Variants in SYT16 observed in about 807,000 individuals in gnomAD.
SYT16 encodes the protein synaptotagmin-16.
A neutral mutation model predicts 61.4 loss-of-function variants in SYT16; 42 were observed. The ratio of observed to expected loss-of-function variants is 0.68; its 90% CI spans 0.53 to 0.89. The LOEUF (loss-of-function observed/expected upper bound fraction) is 0.89, where lower values mean the gene tolerates loss of function less well. SYT16 is among the 40% of genes least tolerant of loss of function. The pLI is 0.00. For synonymous variants in SYT16, 314 were observed against 302.3 expected, an observed-to-expected ratio of 1.04 and a Z score of -0.40; for missense variants, 804 against 807.3, an observed-to-expected ratio of 1.00 and a Z score of 0.05.
rs111524983 is a variant in SYT16, at chr14:62,104,213, A to T, written c.*3506A>T. 135 of 152,320 alleles carry T rather than the reference A, an allele frequency of 8.9e-4. No homozygotes were observed. Among genetic ancestry groups the T allele is most frequent in the African/African-American group, 3.0e-3 (126 of 41,574 alleles). 9.4% of individuals were successfully genotyped at this position (152,320 alleles called of 1,614,324 possible). A position where few individuals can be genotyped will look rare whatever the true frequency, so the allele number is the denominator to read the frequency against. On this transcript the variant is annotated 3_prime_UTR_variant, in exon 8 of 8. Coordinates refer to ENST00000683842, the MANE Select transcript of SYT16 (RefSeq NM_001367656.1). ...ACTGGTTATCCTTTTGCAGCAGAGG[A>T]CTTAGTATTTTAAAAACAGAAAAGT...
intron 2 of SYT16, among the ~76,000 whole-genome samples, chr14:61,994,980 G>T (rs974816683): frequency 6.6e-6 from 1 of 152,170 alleles, no homozygotes; most frequent in Admixed American, 6.5e-5. Flanking sequence ...TAAGCAGTGT[G>T]TTAGGCCCTC....
At chr14:61,833,128 T>C (rs977359359) in intron 1 of SYT16, among the ~76,000 whole-genome samples, 1 of 152,190 alleles carries the variant, frequency 6.6e-6, no homozygotes, top group African/African-American at 2.4e-5. Context: ...ATTTTCATGT[T>C]GTGTTTACTG....
chr14:62,043,406 T>C (rs2054821299), intron 3 of SYT16, among the ~76,000 whole-genome samples: 1 of 144,392 alleles, frequency 6.9e-6, no homozygotes, highest in Non-Finnish European at 1.5e-5. Context: ...AATTTTTCTT[T>C]CTTTTTTTTT....
chr14:62,006,301 G>C (rs532078121), intron 3 of SYT16, among the ~76,000 whole-genome samples: 4 of 152,228 alleles, frequency 2.6e-5, no homozygotes, highest in South Asian at 4.2e-4. Flanking sequence ...TACATGGGCT[G>C]CTTTGCAGTC....
At chr14:61,936,353 G>A (rs902013520) in intron 1 of SYT16, among the ~76,000 whole-genome samples, 22 of 152,130 alleles carry the variant, frequency 1.4e-4, no homozygotes, top group Admixed American at 1.3e-3. Context: ...TGGTTTAGTA[G>A]AAATGAAAAA....
At chr14:61,993,647 A>AG (rs949444810) in intron 2 of SYT16, among the ~76,000 whole-genome samples, 8 of 151,980 alleles carry the variant, frequency 5.3e-5, no homozygotes, top group African/African-American at 1.9e-4. Context: ...ATATTTGCAG[A>AG]GAAAAAAAAA....
At chr14:61,958,215 A>C (rs1250503034) in intron 1 of SYT16, among the ~76,000 whole-genome samples, 1 of 151,356 alleles carries the variant, frequency 6.6e-6, no homozygotes, top group Admixed American at 6.6e-5. Flanking sequence ...TTATCTTTTC[A>C]GAAAAACAAC....
At chr14:61,870,440 A>G (rs1332292098) in intron 1 of SYT16, among the ~76,000 whole-genome samples, 2 of 150,904 alleles carry the variant, frequency 1.3e-5, no homozygotes, top group South Asian at 2.1e-4. Flanking sequence ...ATGATGATGT[A>G]CTTTAGTTTG....
chr14:62,005,388 A>G (rs2053181035), intron 3 of SYT16, among the ~76,000 whole-genome samples: 1 of 151,978 alleles, frequency 6.6e-6, no homozygotes. Context: ...AGCCCAGGGA[A>G]CTCACGACTG....
chr14:61,869,669 G>A (rs1193209832), intron 1 of SYT16, among the ~76,000 whole-genome samples: 1 of 152,166 alleles, frequency 6.6e-6, no homozygotes, highest in East Asian at 1.9e-4. Context: ...CAATGTGATG[G>A]CATTTGTAGG....
chr14:61,890,128 C>T (rs888789725), intron 1 of SYT16, among the ~76,000 whole-genome samples: 1 of 152,196 alleles, frequency 6.6e-6, no homozygotes, highest in Non-Finnish European at 1.5e-5. Context: ...TTTCTTCCTC[C>T]TTTCACTTTT....
chr14:61,958,823 G>A (rs1595016087), intron 1 of SYT16, among the ~76,000 whole-genome samples: 2 of 151,908 alleles, frequency 1.3e-5, no homozygotes, highest in African/African-American at 4.8e-5. Context: ...TGTCTAGATG[G>A]TCTATACATT....
At chr14:61,961,500 C>A (rs115364919) in intron 1 of SYT16, among the ~76,000 whole-genome samples, 1 of 151,998 alleles carries the variant, frequency 6.6e-6, no homozygotes, top group Non-Finnish European at 1.5e-5. Flanking sequence ...ACGTGGCCAA[C>A]AAGTAAGTGA....
chr14:61,862,704 CAT>C (rs904760848), intron 1 of SYT16, among the ~76,000 whole-genome samples: 1 of 152,182 alleles, frequency 6.6e-6, no homozygotes, highest in African/African-American at 2.4e-5. Context: ...TGTATAGTGA[CAT>C]GTATTCATTA....
intron 3 of SYT16, among the ~76,000 whole-genome samples, chr14:62,064,364 C>T (rs1249700681): frequency 3.1e-5 from 2 of 65,508 alleles, no homozygotes; most frequent in African/African-American, 1.5e-4. Context: ...AAAAAGAAAA[C>T]ACTGGGGAGA....
chr14:61,821,491 G>A (rs1314149164), intron 1 of SYT16, among the ~76,000 whole-genome samples: 2 of 152,184 alleles, frequency 1.3e-5, no homozygotes, highest in Non-Finnish European at 2.9e-5. Context: ...AGGCTTGAGT[G>A]GGGCAGATCC....
intron 1 of SYT16, among the ~76,000 whole-genome samples, chr14:61,918,604 A>G (rs954196082): frequency 6.6e-6 from 1 of 152,288 alleles, no homozygotes. Flanking sequence ...CCTGGCAAGA[A>G]AAGCATGATG....
chr14:61,820,930 A>G (rs2045601216), intron 1 of SYT16, among the ~76,000 whole-genome samples: 1 of 152,166 alleles, frequency 6.6e-6, no homozygotes, highest in Non-Finnish European at 1.5e-5. Context: ...TTCTGGGAGT[A>G]GCCTTTCTCT....
At position 61,901,762 on chromosome 14, in the gene SYT16, A is replaced by AATTATT. The variant is rs1555354445; in HGVS notation, c.-324-68357_-324-68352dup. On this transcript the variant is annotated intron_variant, in intron 1 of 7. Transcript: ENST00000683842. ...TGCTTATAATAATAATAATAATAAT[A>AATTATT]ATTATTATTATTATTATTTTTTGGA... Among the ~76,000 whole-genome samples, 1,240 of 138,826 alleles carry AATTATT rather than the reference A, an allele frequency of 8.9e-3. 6 individuals carry two copies. The highest frequency in any genetic ancestry group is 0.025 in the Middle Eastern group (7 of 276). 91.1% of individuals were successfully genotyped at this position (138,826 alleles called of 152,430 possible). A position where few individuals can be genotyped will look rare whatever the true frequency, so the allele number is the denominator to read the frequency against.
Sources: gnomAD v4.1 joint callset for allele counts (sites outside exome capture counted in the v4.1 genomes callset) on GRCh38, gnomAD v4.1.1 for gene constraint, MANE v1.5 for transcripts, NCBI Gene and HGNC (gene_info 2026-07-23, HGNC 2026-07-21) for gene names.